Variants in TTLL1 observed in about 807,000 individuals in gnomAD.
TTLL1 encodes the protein TTL family tubulin polyglutamylase complex subunit L1, also known as polyglutamylase complex subunit TTLL1.
Under a neutral mutation model 47.8 loss-of-function variants are expected in TTLL1, and 33 were observed. The observed-to-expected ratio is 0.69, with a 90% CI of 0.52 to 0.92. The LOEUF (loss-of-function observed/expected upper bound fraction) is 0.92. Among genes scored for constraint, TTLL1 ranks in the 40% least tolerant of loss-of-function variants. The probability of loss-of-function intolerance (pLI) is 0.00; values close to 1 mark genes in which losing one functional copy is unlikely to be tolerated. For synonymous variants in TTLL1, 225 were observed against 214.1 expected (o/e 1.05, Z -0.45); for missense variants, 488 against 547.5 (o/e 0.89, Z 1.08).
chr22:43,080,171 G>A (rs990855258), intron 1 of TTLL1, among the ~76,000 whole-genome samples, 185 bp from the exon 2 acceptor site: 2 of 151,882 alleles, frequency 1.3e-5, no homozygotes, highest in African/African-American at 4.8e-5. Context: ...TCTCCTGCCT[G>A]AGCCTCCTAA....
At chr22:43,069,575 C>T (rs1327893148) in intron 4 of TTLL1, 61 bp downstream of exon 4, 12 of 1,607,034 alleles carry the variant, frequency 7.5e-6, no homozygotes, top group East Asian at 2.2e-5. Context: ...CAGCGCCTCG[C>T]GCCCCAAAGA....
At chr22:43,042,490 G>A (rs937578436) in intron 10 of TTLL1, among the ~76,000 whole-genome samples, 1 of 152,230 alleles carries the variant, frequency 6.6e-6, no homozygotes, top group African/African-American at 2.4e-5. Flanking sequence ...TAAAAGTACA[G>A]TCAGCAACTT....
intron 10 of TTLL1, among the ~76,000 whole-genome samples, chr22:43,044,232 G>A (rs1317952988): frequency 7.2e-6 from 1 of 138,444 alleles, no homozygotes; most frequent in Non-Finnish European, 1.6e-5. Context: ...GATCATGGAG[G>A]GAGAGAACAA....
chr22:43,042,938 CTTTTTTTTTTT>C (rs59595664), intron 10 of TTLL1, among the ~76,000 whole-genome samples: 9 of 129,744 alleles, frequency 6.9e-5, no homozygotes, highest in Non-Finnish European at 1.1e-4. Context: ...GCTGCTTTTT[CTTTTTTTTTTT>C]TTTTTTTTGA....
chr22:43,069,644 A>G lies in TTLL1; in HGVS notation c.314T>C (p.Leu105Pro), dbSNP rs149646459. Reference protein sequence around the residue: ...LAEKDENGKYLYLDFVPVTYM... With the variant: ...LAEKDENGKYPYLDFVPVTYM... ...GTGGAAGACGCACAAACCCAGATAG[A>G]GGTATTTTCCATTTTCATCTTTTTC... Residue 105 changes from leucine to proline, a missense_variant, in exon 4 of 11, where the codon CTC becomes CCC. Transcript: ENST00000266254. 6.2e-7 allele frequency: 1 copy of G among 1,614,098 alleles called. No individual in the cohort carries two copies. Among genetic ancestry groups the G allele is most frequent in the East Asian group, 2.2e-5 (1 of 44,878 alleles).
At position 43,046,546 on chromosome 22, in the gene TTLL1, T is replaced by A. The variant is rs1482166795; in HGVS notation, c.1006A>T (p.Ser336Cys). Residue 336 changes from serine (S) to cysteine (C), a missense_variant, in exon 10 of 11, where the codon AGC (serine) becomes TGC (cysteine). Transcript: ENST00000266254. ...EVNASPSLTS[S>C]TANDRILKYN... Reference sequence around the variant, plus strand: ...TTGAGGATTCGGTCATTGGCAGTGCTGGACGTGAGAGACGGGGACGCATTC... The same window carrying A: ...TTGAGGATTCGGTCATTGGCAGTGCAGGACGTGAGAGACGGGGACGCATTC... 6.2e-7 allele frequency: 1 copy of A among 1,614,070 alleles called. No homozygotes were observed. Among genetic ancestry groups the A allele is most frequent in the African/African-American group, 1.3e-5 (1 of 74,942 alleles).
intron 5 of TTLL1, 116 bp downstream of exon 5, chr22:43,068,294 G>C: frequency 1.1e-6 from 1 of 879,322 alleles, no homozygotes; most frequent in Non-Finnish European, 1.6e-6. Context: ...TCCTGCCTGG[G>C]CGACAGAGTG....
chr22:43,072,264 C>G (rs571249018), intron 3 of TTLL1, among the ~76,000 whole-genome samples: 7 of 151,902 alleles, frequency 4.6e-5, no homozygotes, highest in African/African-American at 1.7e-4. Flanking sequence ...CGCCATTCTC[C>G]TGTCTCAGCC....
intron 1 of TTLL1, among the ~76,000 whole-genome samples, chr22:43,086,530 T>C (rs1929239350): frequency 6.6e-6 from 1 of 152,124 alleles, no homozygotes; most frequent in African/African-American, 2.4e-5. Context: ...AGCCACTCAG[T>C]GCCAGGCCTG....
rs190914433 is a variant in TTLL1, at chr22:43,065,110, A to T, written c.504-786T>A. Among the ~76,000 whole-genome samples the T allele has an allele frequency of 5.5e-3, 837 of 151,960 alleles. 12 individuals carry two copies. Among genetic ancestry groups the T allele is most frequent in the African/African-American group, 0.019 (808 of 41,450 alleles). Reference sequence around the variant, plus strand: ...CAGTGAACCAAGATCCTGCCACCGCACTCCAGCCTGGGCAATAGAGCAAGA... The same window carrying T: ...CAGTGAACCAAGATCCTGCCACCGCTCTCCAGCCTGGGCAATAGAGCAAGA... On this transcript the variant is annotated intron_variant, in intron 5 of 10. Transcript: ENST00000266254.
intron 1 of TTLL1, among the ~76,000 whole-genome samples, chr22:43,080,929 T>TTTTTTTTTTTTTC: frequency 7.8e-6 from 1 of 128,184 alleles, no homozygotes; most frequent in Non-Finnish European, 1.6e-5. Context: ...TTTTTTTTTT[T>TTTTTTTTTTTTTC]TTTTTTAGAC....
At chr22:43,080,447 T>A (rs141855286) in intron 1 of TTLL1, among the ~76,000 whole-genome samples, 126 of 152,244 alleles carry the variant, frequency 8.3e-4, no homozygotes, top group African/African-American at 3.0e-3. Flanking sequence ...CACCAAAAGA[T>A]GCTCTTAAGA....
rs1161174441 is a variant in TTLL1 at position 43,063,784 on chromosome 22, T to C, written c.747+29A>G. Reference sequence around the variant, plus strand: ...CCCGGCCTGAAAGTCAGTCCATTTCTGTAAGCACAAATGAAAGGACACACT... The same window carrying C: ...CCCGGCCTGAAAGTCAGTCCATTTCCGTAAGCACAAATGAAAGGACACACT... On this transcript the variant is annotated intron_variant, in intron 7 of 10. Transcript: ENST00000266254. 3 of 1,606,810 alleles carry C rather than the reference T, an allele frequency of 1.9e-6. No homozygotes were observed. In the East Asian group the frequency reaches 6.7e-5, roughly 36 times the overall value.
intron 10 of TTLL1, among the ~76,000 whole-genome samples, chr22:43,042,032 G>A (rs1371047096): frequency 1.3e-5 from 2 of 152,104 alleles, no homozygotes; most frequent in Non-Finnish European, 2.9e-5. Context: ...AAGCCTCCCT[G>A]GCGCCTCTCC....
At chr22:43,055,570 A>G (rs1601669051) in intron 8 of TTLL1, among the ~76,000 whole-genome samples, 1 of 152,110 alleles carries the variant, frequency 6.6e-6, no homozygotes, top group Non-Finnish European at 1.5e-5. Context: ...GGCTCAAGCA[A>G]TCTGCCCACC....
intron 10 of TTLL1, among the ~76,000 whole-genome samples, chr22:43,042,670 C>T (rs981831378): frequency 3.9e-5 from 6 of 152,144 alleles, no homozygotes; most frequent in Admixed American, 6.5e-5. Context: ...GGACGGGCGG[C>T]GCCGCTCAGA....
intron 5 of TTLL1, 61 bp from the exon 6 acceptor site, chr22:43,064,385 C>T: frequency 1.9e-6 from 3 of 1,547,406 alleles, no homozygotes; most frequent in Non-Finnish European, 2.6e-6. Context: ...AAGACACAAT[C>T]CAAGAAAGGA....
chr22:43,068,956 C>T (rs924834080), intron 4 of TTLL1, among the ~76,000 whole-genome samples: 4 of 152,042 alleles, frequency 2.6e-5, no homozygotes, highest in African/African-American at 4.8e-5. Flanking sequence ...GCTTTTATCC[C>T]GGACTTGGAC....
chr22:43,057,867 C>T (rs990130844), intron 8 of TTLL1, among the ~76,000 whole-genome samples: 11 of 151,984 alleles, frequency 7.2e-5, no homozygotes, highest in African/African-American at 2.4e-4. Context: ...GGGCCTGGGC[C>T]TCCGTTTTCC....
Sources: gnomAD v4.1 joint callset for allele counts (sites outside exome capture counted in the v4.1 genomes callset) on GRCh38, gnomAD v4.1.1 for gene constraint, MANE v1.5 for transcripts, NCBI Gene and HGNC (gene_info 2026-07-23, HGNC 2026-07-21) for gene names.